TMEM132D: variants seen among roughly 807,000 people sequenced by gnomAD.
TMEM132D encodes the protein transmembrane protein 132D.
In TMEM132D, 21 loss-of-function variants were observed where a neutral mutation model predicts 62.3. The observed-to-expected ratio is 0.34, with a 90% CI of 0.24 to 0.49. The LOEUF (loss-of-function observed/expected upper bound fraction) is 0.49. TMEM132D is among the 20% of genes least tolerant of loss of function. The probability of loss-of-function intolerance (pLI) is 0.99; values close to 1 mark genes in which losing one functional copy is unlikely to be tolerated. For missense variants in TMEM132D, 1,346 were observed against 1,402.8 expected, an observed-to-expected ratio of 0.96 and a Z score of 0.65; for synonymous variants, 621 against 575.6, an observed-to-expected ratio of 1.08 and a Z score of -1.13.
At chr12:129,527,623 A>G (rs1416395431) in intron 3 of TMEM132D, among the ~76,000 whole-genome samples, 1 of 152,186 alleles carries the variant, frequency 6.6e-6, no homozygotes, top group African/African-American at 2.4e-5. Flanking sequence ...AACCGTGGTG[A>G]GCTTTGGGAA....
At chr12:129,706,881 T>C (rs1881518526) in intron 1 of TMEM132D, among the ~76,000 whole-genome samples, 1 of 151,788 alleles carries the variant, frequency 6.6e-6, no homozygotes, top group Non-Finnish European at 1.5e-5. Flanking sequence ...TCCATTATAC[T>C]ATATTTACAA....
intron 3 of TMEM132D, among the ~76,000 whole-genome samples, chr12:129,376,573 C>T (rs985420522): frequency 2.6e-5 from 4 of 152,130 alleles, no homozygotes; most frequent in African/African-American, 9.7e-5. Flanking sequence ...CCATATCAGG[C>T]TGAATTTGTA....
chr12:129,491,509 C>T (rs1481712691), intron 3 of TMEM132D, among the ~76,000 whole-genome samples: 1 of 152,148 alleles, frequency 6.6e-6, no homozygotes, highest in Non-Finnish European at 1.5e-5. Flanking sequence ...ACCAGCTTCC[C>T]CCGGTCCTCC....
chr12:129,808,580 T>C (rs1240522646), intron 1 of TMEM132D, among the ~76,000 whole-genome samples: 1 of 152,154 alleles, frequency 6.6e-6, no homozygotes, highest in Non-Finnish European at 1.5e-5. Context: ...TTGAAGAGCA[T>C]TGAAACGTAT....
chr12:129,573,088 G>T (rs1360809588), intron 2 of TMEM132D, among the ~76,000 whole-genome samples: 1 of 152,148 alleles, frequency 6.6e-6, no homozygotes. Context: ...GCTCAGGAGA[G>T]CAAAGCAGCT....
intron 4 of TMEM132D, among the ~76,000 whole-genome samples, chr12:129,327,746 C>T (rs948322962): frequency 5.9e-5 from 9 of 152,320 alleles, no homozygotes; most frequent in East Asian, 1.9e-4. Context: ...ACCAAAGGAG[C>T]CCCCAAATGG....
chr12:129,602,661 T>C (rs972629219), intron 2 of TMEM132D, among the ~76,000 whole-genome samples: 35 of 152,072 alleles, frequency 2.3e-4, no homozygotes, highest in Admixed American at 1.8e-3. Context: ...CACAGCAAAA[T>C]TGAGAGGCAG....
intron 1 of TMEM132D, among the ~76,000 whole-genome samples, chr12:129,809,804 A>C (rs1872114649): frequency 6.6e-6 from 1 of 152,180 alleles, no homozygotes; most frequent in Non-Finnish European, 1.5e-5. Context: ...GCAATGAGAG[A>C]GGGTAAATAA....
At chr12:129,258,239 A>G (rs1438140226) in intron 4 of TMEM132D, among the ~76,000 whole-genome samples, 1 of 152,196 alleles carries the variant, frequency 6.6e-6, no homozygotes, top group Admixed American at 6.5e-5. Flanking sequence ...CAAGGATTCA[A>G]GAAGATAATC....
chr12:129,081,852 T>C lies in TMEM132D; in HGVS notation c.1830A>G (p.Ile610Met). 6.2e-7 allele frequency: 1 copy of C among 1,614,044 alleles called. No individual in the cohort carries two copies. The highest frequency in any genetic ancestry group is 8.5e-7 in the Non-Finnish European group (1 of 1,180,008). ...SDWQVDITEL[I>M]NDFMQVEEPR... ...GCTCCTCCACCTGCATGAAGTCATTTATCAGCTCCGTGATGTCCACTTGCC... is the reference window on the plus strand; with the variant it reads ...GCTCCTCCACCTGCATGAAGTCATTCATCAGCTCCGTGATGTCCACTTGCC... Residue 610 changes from isoleucine (I) to methionine (M), a missense_variant, in exon 7 of 9, where the codon ATA (isoleucine) becomes ATG (methionine). Ile to Met is a conservative substitution (Grantham distance 10, BLOSUM62 1). Coordinates refer to ENST00000422113, the MANE Select transcript of TMEM132D (RefSeq NM_133448.3).
intron 5 of TMEM132D, among the ~76,000 whole-genome samples, chr12:129,197,516 A>G (rs547280507): frequency 1.3e-5 from 2 of 152,356 alleles, no homozygotes; most frequent in Non-Finnish European, 2.9e-5. Context: ...TTGATTTCCA[A>G]CAAAGGTTCC....
chr12:129,724,709 G>T lies in TMEM132D; in HGVS notation c.80-24011C>A, dbSNP rs796074142. ...GGCTAATTTTTGTACTTTTAGTAGA[G>T]ACGGGGTTTTGCCATGTTGGCCAGG... On this transcript the variant is annotated intron_variant, in intron 1 of 8. Coordinates refer to ENST00000422113, the MANE Select transcript of TMEM132D (RefSeq NM_133448.3). Among the ~76,000 whole-genome samples the T allele has an allele frequency of 3.9e-5, 6 of 152,038 alleles. No homozygotes were observed. In the East Asian group the frequency reaches 9.7e-4, roughly 25 times the overall value.
chr12:129,188,757 GAGAGGGAGAGAGA>G (rs1565991777), intron 5 of TMEM132D, among the ~76,000 whole-genome samples: 3 of 57,970 alleles, frequency 5.2e-5, no homozygotes, highest in African/African-American at 1.1e-4. Context: ...GGGGGAGGGA[GAGAGGGAGAGAGA>G]GAGAGAGAGA....
chr12:129,638,815 C>A (rs1306230621), intron 2 of TMEM132D, among the ~76,000 whole-genome samples: 1 of 151,898 alleles, frequency 6.6e-6, no homozygotes, highest in Non-Finnish European at 1.5e-5. Context: ...GCAGTCCCCG[C>A]AATTATGAAT....
intron 3 of TMEM132D, among the ~76,000 whole-genome samples, chr12:129,474,139 C>A (rs373029554): frequency 6.6e-6 from 1 of 152,148 alleles, no homozygotes; most frequent in Admixed American, 6.5e-5. Context: ...GCAACACAGT[C>A]GGTTTCTGGG....
At chr12:129,896,933 C>G (rs1359765074) in intron 1 of TMEM132D, among the ~76,000 whole-genome samples, 1 of 152,174 alleles carries the variant, frequency 6.6e-6, no homozygotes, top group Admixed American at 6.5e-5. Flanking sequence ...AGTCGCTTTT[C>G]AGATGCATGC....
intron 4 of TMEM132D, among the ~76,000 whole-genome samples, chr12:129,253,483 T>C (rs985330899): frequency 1.7e-4 from 26 of 152,090 alleles, no homozygotes; most frequent in African/African-American, 5.8e-4. Context: ...CCATAGAAAA[T>C]AGCGTCTTAG....
chr12:129,891,259 C>T (rs1439834600), intron 1 of TMEM132D, among the ~76,000 whole-genome samples: 1 of 152,144 alleles, frequency 6.6e-6, no homozygotes, highest in Admixed American at 6.5e-5. Context: ...AATTCTGGGT[C>T]CTCCTCACTG....
chr12:129,431,258 A>T (rs1464771937), intron 3 of TMEM132D, among the ~76,000 whole-genome samples: 1 of 152,198 alleles, frequency 6.6e-6, no homozygotes, highest in African/African-American at 2.4e-5. Context: ...CCAGCAGCTA[A>T]GCCTGGAGTC....
Sources: gnomAD v4.1 joint callset for allele counts (sites outside exome capture counted in the v4.1 genomes callset) on GRCh38, gnomAD v4.1.1 for gene constraint, MANE v1.5 for transcripts, NCBI Gene and HGNC (gene_info 2026-07-23, HGNC 2026-07-21) for gene names.